The following ANGPT4 variants were observed in gnomAD, a reference collection of about 807,000 sequenced individuals.
The protein encoded by ANGPT4 is angiopoietin-4.
ANGPT4 carries 50 observed loss-of-function variants against 53.0 expected under a neutral mutation model. The observed-to-expected ratio is 0.94, with a 90% confidence interval of 0.75 to 1.20. ANGPT4 has a LOEUF of 1.20. ANGPT4 is among the 50% of genes most tolerant of loss of function. The pLI is 0.00. For synonymous variants in ANGPT4, 251 were observed against 259.7 expected (o/e 0.97, Z 0.32); for missense variants, 648 against 637.1 (o/e 1.02, Z -0.18).
chr20:890,090 G>T, intron 2 of ANGPT4, 123 bp downstream of exon 2: 1 of 1,214,890 alleles, frequency 8.2e-7, no homozygotes, highest in Non-Finnish European at 1.1e-6. Flanking sequence ...GACCCGGGGG[G>T]CTACAGGCCC....
In ANGPT4 at chr20:876,185, G is replaced by A. The variant is rs897688356; in HGVS notation, c.1221-1771C>T. Among the ~76,000 whole-genome samples, 147 of 151,024 alleles carry A rather than the reference G, an allele frequency of 9.7e-4. 1 individual carries two copies. Among genetic ancestry groups the A allele is most frequent in the Admixed American group, 9.0e-3 (136 of 15,182 alleles). On this transcript the variant is annotated intron_variant, in intron 7 of 8. Transcript: ENST00000381922. The stretch of plus-strand genomic sequence containing the variant: ...AAAAAAGAAGGTCTTGCTGGGTGGA[G>A]GCAAGTGGGTGGCAGATGTGGCCAG...
intron 1 of ANGPT4, among the ~76,000 whole-genome samples, chr20:897,180 GC>G (rs1982089928): frequency 6.6e-6 from 1 of 152,144 alleles, no homozygotes; most frequent in Non-Finnish European, 1.5e-5. Context: ...TGATTAAAAA[GC>G]TTTATTGCTC....
chr20:884,536 G>T (rs151258833), intron 4 of ANGPT4, among the ~76,000 whole-genome samples: 4,788 of 152,326 alleles, frequency 0.031, 105 homozygotes, highest in Middle Eastern at 0.054. Flanking sequence ...GTCAGTGAGA[G>T]CCTGGGAGCC....
intron 5 of ANGPT4, among the ~76,000 whole-genome samples, chr20:880,625 G>A (rs903694764): frequency 1.3e-5 from 2 of 152,040 alleles, no homozygotes; most frequent in Non-Finnish European, 1.5e-5. Context: ...GAATCTGCTA[G>A]TTGTTTCCCT....
In ANGPT4 at chr20:916,264, G is replaced by A. The variant is rs374092321; in HGVS notation, c.-50C>T. ...ATGTCTGCTCAGAGCCCTAGGGGCT[G>A]TGCCTGGGATGTCCTGCTGCAGCCA... On this transcript the variant is annotated 5_prime_UTR_variant, in exon 1 of 9. Coordinates refer to ENST00000381922, the MANE Select transcript of ANGPT4 (RefSeq NM_015985.4). 174 of 1,559,212 alleles carry A rather than the reference G, an allele frequency of 1.1e-4. No individual in the cohort carries two copies. The highest frequency in any genetic ancestry group is 1.4e-4 in the Non-Finnish European group (162 of 1,146,044).
chr20:872,782 G>T lies in ANGPT4; in HGVS notation c.*178C>A. 1 of 693,290 alleles carries T rather than the reference G, an allele frequency of 1.4e-6. No individual in the cohort carries two copies. Among genetic ancestry groups the T allele is most frequent in the African/African-American group, 1.9e-5 (1 of 53,028 alleles). 42.9% of individuals were successfully genotyped at this position (693,290 alleles called of 1,614,324 possible). On this transcript the variant is annotated 3_prime_UTR_variant, in exon 9 of 9. Coordinates refer to ENST00000381922, the MANE Select transcript of ANGPT4 (RefSeq NM_015985.4). ...CCCGAACACCCTCCATGTCACAGAC[G>T]GAGGGGAGTTGGGGGGCAGATGACC... is the stretch of plus-strand genomic sequence containing the variant.
rs75083347 is a variant in ANGPT4 at position 871,085 on chromosome 20, G to A, written c.*1875C>T. ...CCACCACACCACACTGCACACAGTA[G>A]AGGCTAAATAAAGGTCTGCTGGGCA... On this transcript the variant is annotated 3_prime_UTR_variant, in exon 9 of 9. Coordinates refer to ENST00000381922, the MANE Select transcript of ANGPT4 (RefSeq NM_015985.4). The A allele has an allele frequency of 6.1e-4, 93 of 152,380 alleles. No individual in the cohort carries two copies. Among genetic ancestry groups the A allele is most frequent in the Middle Eastern group, 3.4e-3 (1 of 294 alleles). 9.4% of individuals were successfully genotyped at this position (152,380 alleles called of 1,614,324 possible).
At chr20:910,791 G>A (rs80044606) in intron 1 of ANGPT4, among the ~76,000 whole-genome samples, 1,780 of 152,250 alleles carry the variant, frequency 0.012, 25 homozygotes, top group East Asian at 0.079. Flanking sequence ...GAAGTCGTCA[G>A]GGGGTCTGCT....
chr20:916,116 G>C lies in ANGPT4; in HGVS notation c.99C>G (p.Cys33Trp), dbSNP rs764806114. ...GGCCGTGCTGGACTACAAGTGTCTC[G>C]CAGCCCCTATCCGCCTCCTGCCTTG... Reference protein sequence around the residue: ...QQTRQEADRGCETLVVQHGHC... With the variant: ...QQTRQEADRGWETLVVQHGHC... Residue 33 changes from cysteine (C) to tryptophan (W), a missense_variant, in exon 1 of 9, where the codon TGC (cysteine) becomes TGG (tryptophan). Cys to Trp is a radical substitution (Grantham distance 215). Coordinates refer to ENST00000381922, the MANE Select transcript of ANGPT4 (RefSeq NM_015985.4). The C allele has an allele frequency of 6.2e-7, 1 of 1,614,060 alleles. No homozygotes were observed. Among genetic ancestry groups the C allele is most frequent in the African/African-American group, 1.3e-5 (1 of 74,938 alleles).
intron 1 of ANGPT4, among the ~76,000 whole-genome samples, chr20:905,495 C>A (rs1036085549): frequency 1.1e-4 from 17 of 151,972 alleles, no homozygotes; most frequent in African/African-American, 3.6e-4. Flanking sequence ...CTGTGAGAGG[C>A]AAAGGCAGTG....
intron 1 of ANGPT4, among the ~76,000 whole-genome samples, chr20:898,144 C>A (rs1391914493): frequency 1.3e-5 from 2 of 152,110 alleles, no homozygotes; most frequent in Non-Finnish European, 2.9e-5. Flanking sequence ...TCCTTTGAAT[C>A]CTTCTTTTCT....
At position 885,078 on chromosome 20, in the gene ANGPT4, C is replaced by G. The variant is rs1376558303; in HGVS notation, c.835G>C (p.Ala279Pro). ...ACTGGGGCGCACACCGCTCACTCAC[C>G]CGGGGCCGAGGCGTTAGCCCTTTCT... ...VQERANASAP[A>P]FIMAGEQVFQ... Residue 279 changes from alanine to proline, a missense_variant and splice_region_variant, in exon 4 of 9, where the codon GCC (alanine) becomes CCC (proline). Physicochemically the swap from Ala to Pro is conservative, Grantham distance 27. Coordinates refer to ENST00000381922, the MANE Select transcript of ANGPT4 (RefSeq NM_015985.4). 7 of 1,613,536 alleles carry G rather than the reference C, an allele frequency of 4.3e-6. No individual in the cohort carries two copies. The highest frequency in any genetic ancestry group is 5.1e-6 in the Non-Finnish European group (6 of 1,179,926).
rs181395936 is a variant in ANGPT4, at chr20:878,344, G to A, written c.1054-17C>T. On this transcript the variant is annotated splice_polypyrimidine_tract_variant and intron_variant, in intron 6 of 8. Coordinates refer to ENST00000381922, the MANE Select transcript of ANGPT4 (RefSeq NM_015985.4). ...TCCGAAGCCCTATAGGGAGGGGAGC[G>A]TGGGGTGAGACTCATGCTGAGGAGG... 246 of 1,588,328 alleles carry A rather than the reference G, an allele frequency of 1.5e-4. No individual in the cohort carries two copies. In the African/African-American group the frequency reaches 2.6e-3, roughly 17 times the overall value.
intron 1 of ANGPT4, among the ~76,000 whole-genome samples, chr20:905,659 G>A (rs1259238643): frequency 6.6e-6 from 1 of 152,142 alleles, no homozygotes; most frequent in Non-Finnish European, 1.5e-5. Context: ...GTATCTGCAG[G>A]AGGAATGTTC....
chr20:915,672 G>A (rs535836791), intron 1 of ANGPT4, among the ~76,000 whole-genome samples: 67 of 152,272 alleles, frequency 4.4e-4, no homozygotes, highest in African/African-American at 1.4e-3. Context: ...CCTTGGTCAG[G>A]GCTGAATGGA....
At position 908,512 on chromosome 20, in the gene ANGPT4, C is replaced by T. The variant is rs929603800; in HGVS notation, c.309+7394G>A. Among the ~76,000 whole-genome samples the T allele has an allele frequency of 1.3e-5, 2 of 152,196 alleles. No individual in the cohort carries two copies. The highest frequency in any genetic ancestry group is 2.9e-5 in the Non-Finnish European group (2 of 68,030). ...GGCACCCATTATCCACCCCTAGCAT[C>T]TCTCGGTCCCTCCTTCATGGCACAT... On this transcript the variant is annotated intron_variant, in intron 1 of 8. Coordinates refer to ENST00000381922, the MANE Select transcript of ANGPT4 (RefSeq NM_015985.4). This position sits in a 1 kb window ranked among gnomAD's most constrained non-coding sequence, Gnocchi z 4.9.
rs1050323303 is a variant in ANGPT4, at chr20:881,166, C to T, written c.951+5G>A. On this transcript the variant is annotated splice_donor_5th_base_variant and intron_variant, in intron 5 of 8. Transcript: ENST00000381922. Reference sequence around the variant, plus strand: ...ACAGCCACAGTTCCCAGGGAGCCCCCTAACCTTCCTGGGCTTCGTTGCATT... The same window carrying T: ...ACAGCCACAGTTCCCAGGGAGCCCCTTAACCTTCCTGGGCTTCGTTGCATT... The T allele has an allele frequency of 1.3e-6, 2 of 1,573,158 alleles. No individual in the cohort carries two copies. Among genetic ancestry groups the T allele is most frequent in the Non-Finnish European group, 1.7e-6 (2 of 1,159,830 alleles).
At chr20:905,867 T>C (rs896408358) in intron 1 of ANGPT4, among the ~76,000 whole-genome samples, 6 of 152,176 alleles carry the variant, frequency 3.9e-5, no homozygotes, top group African/African-American at 1.4e-4. Context: ...GCCCTACAAA[T>C]ACAGCTCATT....
At chr20:898,929 G>A (rs575851504) in intron 1 of ANGPT4, among the ~76,000 whole-genome samples, 51 of 152,200 alleles carry the variant, frequency 3.4e-4, no homozygotes, top group Non-Finnish European at 5.6e-4. Context: ...TGTCCCACTC[G>A]CCCACCAACC....
Sources: gnomAD v4.1 joint callset for allele counts (sites outside exome capture counted in the v4.1 genomes callset) on GRCh38, gnomAD v4.1.1 for gene constraint, Gnocchi (gnomAD v3.1) non-coding constraint, MANE v1.5 for transcripts, NCBI Gene and HGNC (gene_info 2026-07-23, HGNC 2026-07-21) for gene names.